GHR: variants seen among roughly 807,000 people sequenced by gnomAD.
GHR encodes GH receptor.
A neutral mutation model predicts 67.1 loss-of-function variants in GHR; 35 were observed. That is an observed-to-expected ratio of 0.52 (90% CI 0.40 to 0.69). The LOEUF (loss-of-function observed/expected upper bound fraction) is 0.69, where lower values mean the gene tolerates loss of function less well. GHR is among the 30% of genes least tolerant of loss of function. The pLI, the probability that GHR is intolerant of heterozygous loss-of-function variation, is 0.00. For missense variants in GHR, 792 were observed against 764.6 expected, an observed-to-expected ratio of 1.04 and a Z score of -0.42; for synonymous variants, 272 against 269.1, an observed-to-expected ratio of 1.01 and a Z score of -0.10.
chr5:42,604,052 AG>A (rs1176313039), intron 2 of GHR, among the ~76,000 whole-genome samples: 11 of 152,218 alleles, frequency 7.2e-5, no homozygotes, highest in African/African-American at 2.7e-4. Context: ...GGATATTTTA[AG>A]GGATACAAAC....
intron 1 of GHR, among the ~76,000 whole-genome samples, chr5:42,535,299 T>C (rs1217747569): frequency 2.0e-5 from 3 of 152,164 alleles, no homozygotes; most frequent in South Asian, 2.1e-4. Context: ...CGTTTTAGAT[T>C]TAAGTCCTTA....
intron 1 of GHR, among the ~76,000 whole-genome samples, chr5:42,486,795 G>A (rs13158224): frequency 2.6e-5 from 4 of 151,484 alleles, no homozygotes; most frequent in African/African-American, 7.3e-5. Flanking sequence ...TGCAGTGAGC[G>A]GAGATCGCGC....
At chr5:42,670,456 C>G (rs955320947) in intron 3 of GHR, among the ~76,000 whole-genome samples, 1 of 152,066 alleles carries the variant, frequency 6.6e-6, no homozygotes, top group East Asian at 1.9e-4. Context: ...TGATATTAAT[C>G]TAGGCAGAAG....
intron 3 of GHR, among the ~76,000 whole-genome samples, chr5:42,665,490 G>A (rs919700188): frequency 9.9e-5 from 15 of 151,792 alleles, no homozygotes; most frequent in African/African-American, 2.9e-4. Flanking sequence ...GTAAACTATC[G>A]CAAGAACAAA....
intron 3 of GHR, among the ~76,000 whole-genome samples, chr5:42,633,097 A>C (rs1754008506): frequency 6.6e-6 from 1 of 151,902 alleles, no homozygotes; most frequent in Non-Finnish European, 1.5e-5. Flanking sequence ...ATATAGAGAA[A>C]AAAATTAGAT....
chr5:42,654,314 T>C (rs979624609), intron 3 of GHR, among the ~76,000 whole-genome samples: 1 of 152,158 alleles, frequency 6.6e-6, no homozygotes, highest in Admixed American at 6.5e-5. Flanking sequence ...TTATGGAACA[T>C]AGTTTCACAT....
intron 3 of GHR, among the ~76,000 whole-genome samples, chr5:42,655,043 C>T (rs1248729595): frequency 1.3e-5 from 2 of 152,128 alleles, no homozygotes; most frequent in Non-Finnish European, 2.9e-5. Context: ...CCCAAGTCAA[C>T]CTCTCATTTT....
chr5:42,506,461 C>A (rs114437310), intron 1 of GHR, among the ~76,000 whole-genome samples: 1,526 of 152,198 alleles, frequency 0.01, 12 homozygotes, highest in Non-Finnish European at 0.016. Flanking sequence ...CAATGCTCAC[C>A]CTACCGTACT....
intron 1 of GHR, among the ~76,000 whole-genome samples, chr5:42,457,887 C>T (rs772697442): frequency 6.6e-6 from 1 of 152,152 alleles, no homozygotes; most frequent in Non-Finnish European, 1.5e-5. Context: ...ACTTACTAGC[C>T]ACATGAACCT....
In GHR at chr5:42,424,395, G is replaced by T. The variant is rs1406141582; in HGVS notation, c.-12+440G>T. On this transcript the variant is annotated intron_variant, in intron 1 of 9. Coordinates refer to ENST00000230882, the MANE Select transcript of GHR (RefSeq NM_000163.5). The surrounding 1 kb of genome is among the most constrained non-coding windows in gnomAD (Gnocchi z 4.1). ...GTTTGCCATCATCTGCCTGGCTGCG[G>T]CAGGAACTGCCGAGGCTGCTGCTGT... The T allele has an allele frequency of 1.0e-5, 6 of 598,852 alleles. No homozygotes were observed. The highest frequency in any genetic ancestry group is 1.8e-5 in the Non-Finnish European group (6 of 335,574). 37.1% of individuals were successfully genotyped at this position (598,852 alleles called of 1,614,324 possible). A position where few individuals can be genotyped will look rare whatever the true frequency, so the allele number is the denominator to read the frequency against.
intron 1 of GHR, among the ~76,000 whole-genome samples, chr5:42,433,452 C>G (rs1369274418): frequency 6.6e-6 from 1 of 151,984 alleles, no homozygotes; most frequent in East Asian, 1.9e-4. Context: ...ATGTATTTAT[C>G]AATCCATTAG....
chr5:42,679,985 A>C (rs1756776193), intron 3 of GHR, among the ~76,000 whole-genome samples: 1 of 152,218 alleles, frequency 6.6e-6, no homozygotes, highest in Admixed American at 6.5e-5. Flanking sequence ...ACCTTTGAAG[A>C]TCATGCATGT....
intron 4 of GHR, among the ~76,000 whole-genome samples, chr5:42,693,110 C>T (rs1757498265): frequency 1.3e-5 from 2 of 151,540 alleles, no homozygotes. Context: ...CTTTTTGCAT[C>T]AGAGATGAAT....
At chr5:42,704,293 T>C (rs1758071513) in intron 6 of GHR, among the ~76,000 whole-genome samples, 2 of 151,798 alleles carry the variant, frequency 1.3e-5, no homozygotes, top group African/African-American at 4.8e-5. Flanking sequence ...AAGTGCTTCT[T>C]CTGTATCTGT....
intron 2 of GHR, among the ~76,000 whole-genome samples, chr5:42,581,296 G>A (rs1000693150): frequency 6.6e-6 from 1 of 152,156 alleles, no homozygotes; most frequent in African/African-American, 2.4e-5. Flanking sequence ...AACTGTCAGT[G>A]GAGTTTTAGA....
intron 3 of GHR, among the ~76,000 whole-genome samples, chr5:42,659,695 AT>A (rs1311734416): frequency 2.6e-5 from 4 of 152,186 alleles, no homozygotes; most frequent in Admixed American, 2.6e-4. Flanking sequence ...AAGACGGGTG[AT>A]TTCTGCATTT....
intron 3 of GHR, among the ~76,000 whole-genome samples, chr5:42,677,854 A>G (rs1756646133): frequency 6.6e-6 from 1 of 152,132 alleles, no homozygotes; most frequent in Admixed American, 6.6e-5. Flanking sequence ...TCTAGTACCG[A>G]TATACTTATA....
At chr5:42,687,266 T>C (rs1169269745) in intron 3 of GHR, among the ~76,000 whole-genome samples, 4 of 152,214 alleles carry the variant, frequency 2.6e-5, no homozygotes, top group African/African-American at 9.6e-5. Flanking sequence ...ATAGATTCAA[T>C]GCTATCCCCA....
At chr5:42,654,255 A>G (rs1366935796) in intron 3 of GHR, among the ~76,000 whole-genome samples, 1 of 152,128 alleles carries the variant, frequency 6.6e-6, no homozygotes, top group Non-Finnish European at 1.5e-5. Context: ...TAAAATGAGA[A>G]TAATACAAAC....
Sources: gnomAD v4.1 joint callset for allele counts (sites outside exome capture counted in the v4.1 genomes callset) on GRCh38, gnomAD v4.1.1 for gene constraint, Gnocchi (gnomAD v3.1) non-coding constraint, MANE v1.5 for transcripts, NCBI Gene and HGNC (gene_info 2026-07-23, HGNC 2026-07-21) for gene names.